The following ACAP2 variants were observed in gnomAD, a reference collection of about 807,000 sequenced individuals.
ACAP2 encodes arf-GAP with coiled-coil, ANK repeat and PH domain-containing protein 2.
ACAP2 carries 39 observed loss-of-function variants against 115.8 expected under a neutral mutation model. That is an observed-to-expected ratio of 0.34 (90% CI 0.26 to 0.44). The LOEUF (loss-of-function observed/expected upper bound fraction) is 0.44. Among genes scored for constraint, ACAP2 ranks in the 20% least tolerant of loss-of-function variants. The probability of loss-of-function intolerance (pLI) is 1.00; values close to 1 mark genes in which losing one functional copy is unlikely to be tolerated. For synonymous variants in ACAP2, 289 were observed against 315.8 expected (o/e 0.92, Z 0.90); for missense variants, 662 against 927.6 (o/e 0.71, Z 3.72).
At chr3:195,380,271 C>A (rs1320754394) in intron 4 of ACAP2, among the ~76,000 whole-genome samples, 2 of 150,226 alleles carry the variant, frequency 1.3e-5, no homozygotes, top group African/African-American at 4.9e-5. Flanking sequence ...TGCTAACCAA[C>A]AAAAAAAAAT....
intron 8 of ACAP2, among the ~76,000 whole-genome samples, chr3:195,327,553 AAAG>A (rs1414995226): frequency 1.4e-4 from 22 of 152,278 alleles, no homozygotes; most frequent in African/African-American, 4.6e-4. Context: ...AATAATAATA[AAAG>A]AATAGTAATC....
At chr3:195,433,258 AGTT>A (rs1715277619) in intron 1 of ACAP2, among the ~76,000 whole-genome samples, 1 of 152,194 alleles carries the variant, frequency 6.6e-6, no homozygotes, top group Non-Finnish European at 1.5e-5. Context: ...ATGTGTAAAT[AGTT>A]GTTATACTAT....
rs567702526 is a variant in ACAP2 at position 195,387,910 on chromosome 3, A to C, written c.111+4180T>G. ...ATTTTAGTTTCATAATAATCCTATG[A>C]AATAGACACTCTTATTTTCCCCATT... is the stretch of plus-strand genomic sequence containing the variant. On this transcript the variant is annotated intron_variant, in intron 2 of 22. Coordinates refer to ENST00000326793, the MANE Select transcript of ACAP2 (RefSeq NM_012287.6). Among the ~76,000 whole-genome samples, 4 of 152,362 alleles carry C rather than the reference A, an allele frequency of 2.6e-5. No homozygotes were observed. In the South Asian group the frequency reaches 8.3e-4, roughly 32 times the overall value.
At chr3:195,349,412 C>T (rs1350228140) in intron 4 of ACAP2, among the ~76,000 whole-genome samples, 1 of 151,996 alleles carries the variant, frequency 6.6e-6, no homozygotes, top group African/African-American at 2.4e-5. Context: ...ACCCGGGAGG[C>T]AGAGCTTGCA....
At chr3:195,415,190 G>A (rs1577444833) in intron 1 of ACAP2, among the ~76,000 whole-genome samples, 2 of 152,120 alleles carry the variant, frequency 1.3e-5, no homozygotes, top group South Asian at 2.1e-4. Flanking sequence ...GTTGATAGTG[G>A]GGAAGGTTCT....
chr3:195,283,210 GAA>G (rs1457294513), intron 22 of ACAP2, among the ~76,000 whole-genome samples: 2 of 152,202 alleles, frequency 1.3e-5, no homozygotes, highest in Admixed American at 1.3e-4. Context: ...ACAACTGAGA[GAA>G]GAGTGTGCTG....
intron 1 of ACAP2, among the ~76,000 whole-genome samples, chr3:195,400,086 G>A (rs1330972017): frequency 6.6e-6 from 1 of 151,822 alleles, no homozygotes; most frequent in Non-Finnish European, 1.5e-5. Context: ...GCTGAGGCAG[G>A]AGAATCGCTT....
Position 195,336,962 on chromosome 3 carries a change from T to C in ACAP2, c.543A>G (p.Gln181=). The part of the protein sequence containing the change: ...LDYVLQINVL[Q]SKRRSEILKS... ...TTAGGATTTCTGATCTCCTTTTTGA[T>C]TGAAGAACATTAATCTGAGGGAAAA... Residue 181 remains glutamine, a synonymous_variant, in exon 7 of 23, where the codon CAA becomes CAG. Coordinates refer to ENST00000326793, the MANE Select transcript of ACAP2 (RefSeq NM_012287.6). 1 of 1,610,968 alleles carries C rather than the reference T, an allele frequency of 6.2e-7. No individual in the cohort carries two copies. The highest frequency in any genetic ancestry group is 8.5e-7 in the Non-Finnish European group (1 of 1,178,380).
intron 10 of ACAP2, among the ~76,000 whole-genome samples, chr3:195,313,516 G>A (rs1044096453): frequency 2.6e-5 from 4 of 152,220 alleles, no homozygotes; most frequent in South Asian, 2.1e-4. Context: ...TGCCCATCCC[G>A]TTTTCATGAA....
At chr3:195,363,934 T>A (rs1732542109) in intron 4 of ACAP2, among the ~76,000 whole-genome samples, 1 of 152,144 alleles carries the variant, frequency 6.6e-6, no homozygotes, top group African/African-American at 2.4e-5. Context: ...TAGAGCCCTA[T>A]CTCTTGCCAT....
chr3:195,328,995 G>T (rs910060271), intron 8 of ACAP2, among the ~76,000 whole-genome samples: 1 of 151,730 alleles, frequency 6.6e-6, no homozygotes, highest in African/African-American at 2.4e-5. Flanking sequence ...CAGGAGAATG[G>T]CGTGAACCCG....
At chr3:195,341,687 T>G (rs1730890304) in intron 6 of ACAP2, among the ~76,000 whole-genome samples, 1 of 152,094 alleles carries the variant, frequency 6.6e-6, no homozygotes, top group Non-Finnish European at 1.5e-5. Context: ...TCTAGAAAGA[T>G]TTTTCATTTG....
In ACAP2 at chr3:195,442,815, C is replaced by T; in HGVS notation, c.33G>A (p.Leu11=). The change falls in exon 1 of 23, where the codon CTG becomes CTA. Residue 11 remains leucine (L), a synonymous_variant. Transcript: ENST00000326793. MKMTVDFEEC[L]KDSPRFRAAL... Reference sequence around the variant, plus strand: ...GTTACCTGAAGCGGGGCGAGTCCTTCAGACACTCCTCGAAATCCACAGTCA... The same window carrying T: ...GTTACCTGAAGCGGGGCGAGTCCTTTAGACACTCCTCGAAATCCACAGTCA... 6.5e-7 allele frequency: 1 copy of T among 1,530,848 alleles called. No individual in the cohort carries two copies. The highest frequency in any genetic ancestry group is 2.0e-5 in the Admixed American group (1 of 49,336). The allele number at this position is 1,530,848 out of a possible 1,614,324, so 94.8% of individuals were successfully genotyped here. A position where few individuals can be genotyped will look rare whatever the true frequency, so the allele number is the denominator to read the frequency against.
At chr3:195,288,304 C>G (rs1726984495) in intron 21 of ACAP2, among the ~76,000 whole-genome samples, 1 of 152,150 alleles carries the variant, frequency 6.6e-6, no homozygotes, top group Non-Finnish European at 1.5e-5. Context: ...ACAATATTAA[C>G]AATATCTTCC....
At chr3:195,378,184 A>G (rs1429560682) in intron 4 of ACAP2, among the ~76,000 whole-genome samples, 1 of 152,132 alleles carries the variant, frequency 6.6e-6, no homozygotes, top group Non-Finnish European at 1.5e-5. Flanking sequence ...TAAGATTAAG[A>G]GCACTAGTAT....
intron 10 of ACAP2, among the ~76,000 whole-genome samples, chr3:195,317,917 G>A (rs919279961): frequency 6.6e-6 from 1 of 152,184 alleles, no homozygotes; most frequent in African/African-American, 2.4e-5. Context: ...GATAAGGACT[G>A]GCTCTGTGTC....
At chr3:195,343,264 T>C (rs1053255372) in intron 5 of ACAP2, among the ~76,000 whole-genome samples, 7 of 152,194 alleles carry the variant, frequency 4.6e-5, no homozygotes, top group African/African-American at 1.7e-4. Flanking sequence ...TACCATTATT[T>C]AACCAAACGA....
intron 10 of ACAP2, among the ~76,000 whole-genome samples, chr3:195,311,813 A>ACTTT (rs1448842153): frequency 6.6e-6 from 1 of 152,242 alleles, no homozygotes; most frequent in Non-Finnish European, 1.5e-5. Flanking sequence ...CTGGGATTAC[A>ACTTT]GGCATGAGCC....
At chr3:195,343,347 G>A (rs367783913) in intron 5 of ACAP2, among the ~76,000 whole-genome samples, 3 of 152,180 alleles carry the variant, frequency 2.0e-5, no homozygotes, top group African/African-American at 4.8e-5. Context: ...AGCCCTTTCC[G>A]AGAGATTATG....
Sources: allele counts gnomAD v4.1 joint callset (sites outside exome capture counted in the v4.1 genomes callset), GRCh38; gene constraint gnomAD v4.1.1; transcripts MANE v1.5; gene names NCBI Gene and HGNC (gene_info 2026-07-23, HGNC 2026-07-21).